Variants in RAB12 observed in about 807,000 individuals in gnomAD.
RAB12 encodes the protein ras-related protein Rab-12.
A neutral mutation model predicts 28.4 loss-of-function variants in RAB12; 11 were observed. That is an observed-to-expected ratio of 0.39 (90% CI 0.24 to 0.64). RAB12 has a LOEUF of 0.64. RAB12 is among the 30% of genes least tolerant of loss of function. The pLI, the probability that RAB12 is intolerant of heterozygous loss-of-function variation, is 0.50. For synonymous variants in RAB12, 138 were observed against 145.3 expected, an observed-to-expected ratio of 0.95 and a Z score of 0.36; for missense variants, 276 against 351.1, an observed-to-expected ratio of 0.79 and a Z score of 1.71.
rs2096020604 is a variant in RAB12, at chr18:8,639,061, T to C, written c.*799T>C. 6.6e-6 allele frequency: 1 copy of C among 151,650 alleles called. No individual in the cohort carries two copies. The highest frequency in any genetic ancestry group is 1.5e-5 in the Non-Finnish European group (1 of 67,902). 9.4% of individuals were successfully genotyped at this position (151,650 alleles called of 1,614,324 possible). ...ACTATATCAAAGAACATACGTGTAT[T>C]TGCCTAAACACTCTGTACCTTTGTA... On this transcript the variant is annotated 3_prime_UTR_variant, in exon 6 of 6. Transcript: ENST00000649141.
intron 1 of RAB12, among the ~76,000 whole-genome samples, chr18:8,611,513 T>G (rs1305709205): frequency 6.6e-6 from 1 of 152,140 alleles, no homozygotes; most frequent in Non-Finnish European, 1.5e-5. Context: ...TTTCTAAGCC[T>G]GGCAGCAGTG....
Position 8,638,876 on chromosome 18 carries a change from A to G in RAB12, c.*614A>G, listed in dbSNP as rs961277843. The G allele has an allele frequency of 6.6e-6, 1 of 152,348 alleles. No individual in the cohort carries two copies. Among genetic ancestry groups the G allele is most frequent in the African/African-American group, 2.4e-5 (1 of 41,444 alleles). 9.4% of individuals were successfully genotyped at this position (152,348 alleles called of 1,614,324 possible). On this transcript the variant is annotated 3_prime_UTR_variant, in exon 6 of 6. Transcript: ENST00000649141. ...TTTGACTTGGTCCTAAGGCCACAGA[A>G]TCTCTCTCATGGCTTCCTAAGGGAT...
intron 2 of RAB12, among the ~76,000 whole-genome samples, chr18:8,629,336 T>C (rs1253746132): frequency 6.6e-6 from 1 of 152,224 alleles, no homozygotes; most frequent in Non-Finnish European, 1.5e-5. Flanking sequence ...TGAAGGTGAC[T>C]ATTAGTGTGG....
At chr18:8,622,906 C>T (rs1479692372) in intron 1 of RAB12, among the ~76,000 whole-genome samples, 2 of 152,188 alleles carry the variant, frequency 1.3e-5, no homozygotes, top group East Asian at 3.9e-4. Flanking sequence ...CGATATTTCT[C>T]CCATTTGCTT....
intron 3 of RAB12, chr18:8,635,199 T>C (rs1394430257): frequency 5.9e-6 from 1 of 168,708 alleles, no homozygotes; most frequent in Middle Eastern, 2.5e-3. Flanking sequence ...GCCATTTTGT[T>C]TGACTTGTAG....
chr18:8,620,139 C>CTTTTTTTTTTTTTTTTTTTTTTTTTTTTT (rs71165795), intron 1 of RAB12, among the ~76,000 whole-genome samples: 2 of 53,952 alleles, frequency 3.7e-5, no homozygotes, highest in African/African-American at 7.9e-5. Flanking sequence ...TTTTCTTCTT[C>CTTTTTTTTTTTTTTTTTTTTTTTTTTTTT]TTTTTTTTTT....
intron 1 of RAB12, 53 bp downstream of exon 1, chr18:8,610,006 C>T: frequency 7.1e-7 from 1 of 1,416,742 alleles, no homozygotes; most frequent in Non-Finnish European, 9.9e-7. Flanking sequence ...CGGGCAGGTG[C>T]CCTTCGCCCC....
rs2096002580 is a variant in RAB12 at position 8,609,711 on chromosome 18, G to T, written c.272G>T (p.Arg91Leu). 2 of 1,064,596 alleles carry T rather than the reference G, an allele frequency of 1.9e-6. No individual in the cohort carries two copies. Among genetic ancestry groups the T allele is most frequent in the South Asian group, 8.8e-5 (2 of 22,850 alleles). The allele number at this position is 1,064,596 out of a possible 1,614,324, so 65.9% of individuals were successfully genotyped here. A position where few individuals can be genotyped will look rare whatever the true frequency, so the allele number is the denominator to read the frequency against. The change falls in exon 1 of 6, where the codon CGG (arginine) becomes CTG (leucine). Residue 91 changes from arginine to leucine, a missense_variant. Physicochemically the swap from Arg to Leu is moderately radical, Grantham distance 102. Transcript: ENST00000649141. The part of the protein sequence containing the change: ...GAGGGGRRAE[R>L]EPHACMDPGA... ...GGCGGCGGCGGGCGGCGGGCCGAGC[G>T]GGAGCCGCATGCGTGTATGGATCCG...
Position 8,624,985 on chromosome 18 carries a change from A to C in RAB12, c.562A>C (p.Arg188=), listed in dbSNP as rs369974931. The change falls in exon 2 of 6, where the codon AGA becomes CGA. Residue 188 remains arginine (R), a synonymous_variant. Coordinates refer to ENST00000649141, the MANE Select transcript of RAB12 (RefSeq NM_001025300.3). ...KTVELRGKKI[R]LQIWDTAGQE... is the part of the protein sequence containing the mutation. Reference sequence around the variant, plus strand: ...TGTAGAGCTAAGAGGAAAGAAAATTAGATTACAGATCTGGTAAGTGGGAGA... The same window carrying C: ...TGTAGAGCTAAGAGGAAAGAAAATTCGATTACAGATCTGGTAAGTGGGAGA... 1.0e-5 allele frequency: 16 copies of C among 1,601,152 alleles called. No homozygotes were observed. Among genetic ancestry groups the C allele is most frequent in the Admixed American group, 1.7e-5 (1 of 59,824 alleles).
chr18:8,609,868 T>C lies in RAB12; in HGVS notation c.429T>C (p.Ile143=), dbSNP rs1163573276. The C allele has an allele frequency of 6.3e-7, 1 of 1,599,650 alleles. No homozygotes were observed. Among genetic ancestry groups the C allele is most frequent in the Non-Finnish European group, 8.5e-7 (1 of 1,174,312 alleles). The change falls in exon 1 of 6, where the codon ATT becomes ATC. Residue 143 remains isoleucine, a synonymous_variant. Transcript: ENST00000649141. ...RPADFKLQVI[I]IGSRGVGKTS... Reference sequence around the variant, plus strand: ...CCGACTTCAAGTTGCAGGTCATCATTATCGGCTCCCGCGGCGTGGGCAAGA... The same window carrying C: ...CCGACTTCAAGTTGCAGGTCATCATCATCGGCTCCCGCGGCGTGGGCAAGA...
chr18:8,620,165 C>CTTAAAAAA (rs2096009078), intron 1 of RAB12, among the ~76,000 whole-genome samples: 1 of 75,432 alleles, frequency 1.3e-5, no homozygotes, highest in Non-Finnish European at 2.3e-5. Context: ...TTTTTTGCTT[C>CTTAAAAAA]AAAAAAAAAA....
intron 2 of RAB12, among the ~76,000 whole-genome samples, chr18:8,627,348 C>T (rs934848250): frequency 3.9e-5 from 6 of 152,192 alleles, no homozygotes; most frequent in African/African-American, 1.4e-4. Flanking sequence ...GGCATGAAAG[C>T]ATTGCCATTC....
intron 1 of RAB12, among the ~76,000 whole-genome samples, chr18:8,611,636 CA>C (rs2096003887): frequency 6.6e-6 from 1 of 152,108 alleles, no homozygotes; most frequent in South Asian, 2.1e-4. Context: ...CACCTGGAAC[CA>C]AAAGACTCCT....
chr18:8,625,096 C>T, intron 2 of RAB12, 98 bp downstream of exon 2: 1 of 709,590 alleles, frequency 1.4e-6, no homozygotes, highest in Non-Finnish European at 2.4e-6. Flanking sequence ...TTTGCCTCTC[C>T]TACTTTCTCC....
intron 2 of RAB12, among the ~76,000 whole-genome samples, chr18:8,631,482 C>G (rs1320704799): frequency 1.3e-5 from 2 of 152,194 alleles, no homozygotes; most frequent in African/African-American, 4.8e-5. Flanking sequence ...CCCACTACTG[C>G]CCTGCTGGCT....
At chr18:8,624,273 A>G (rs192813066) in intron 1 of RAB12, among the ~76,000 whole-genome samples, 1 of 152,380 alleles carries the variant, frequency 6.6e-6, no homozygotes, top group Admixed American at 6.5e-5. Context: ...GCATACACAA[A>G]TGAAAACTTG....
At chr18:8,617,648 A>G (rs760683834) in intron 1 of RAB12, among the ~76,000 whole-genome samples, 1 of 152,130 alleles carries the variant, frequency 6.6e-6, no homozygotes, top group Non-Finnish European at 1.5e-5. Flanking sequence ...ATACTTGCCT[A>G]GCAATGCAAA....
intron 1 of RAB12, among the ~76,000 whole-genome samples, chr18:8,612,786 G>A (rs919888532): frequency 6.6e-6 from 1 of 152,080 alleles, no homozygotes; most frequent in Admixed American, 6.5e-5. Flanking sequence ...TCTTCCTGCC[G>A]CAGCCTCCTG....
intron 1 of RAB12, among the ~76,000 whole-genome samples, chr18:8,622,694 C>A (rs527379294): frequency 6.6e-6 from 1 of 152,142 alleles, no homozygotes; most frequent in Non-Finnish European, 1.5e-5. Context: ...TGAGAGCAAC[C>A]GGTCTGACCC....
Sources: allele counts gnomAD v4.1 joint callset (sites outside exome capture counted in the v4.1 genomes callset), GRCh38; gene constraint gnomAD v4.1.1; transcripts MANE v1.5; gene names NCBI Gene and HGNC (gene_info 2026-07-23, HGNC 2026-07-21).